Variants in HMMR observed in about 807,000 individuals in gnomAD.
HMMR encodes intracellular hyaluronic acid-binding protein.
A neutral mutation model predicts 101.0 loss-of-function variants in HMMR; 108 were observed. That is an observed-to-expected ratio of 1.07 (90% CI 0.92 to 1.25). The LOEUF (loss-of-function observed/expected upper bound fraction) is 1.25, where lower values mean the gene tolerates loss of function less well. HMMR is among the 50% of genes most tolerant of loss of function. The probability of loss-of-function intolerance (pLI) is 0.00; values close to 1 mark genes in which losing one functional copy is unlikely to be tolerated. For missense variants in HMMR, 813 were observed against 788.7 expected, an observed-to-expected ratio of 1.03 and a Z score of -0.37; for synonymous variants, 296 against 276.4, an observed-to-expected ratio of 1.07 and a Z score of -0.70.
At chr5:163,475,365 T>A (rs1287040531) in intron 10 of HMMR, 93 bp from the exon 11 acceptor site, 3 of 627,692 alleles carry the variant, frequency 4.8e-6, no homozygotes, top group Non-Finnish European at 8.3e-6. Context: ...GAATTTAGGT[T>A]TCATCCTTCT....
intron 3 of HMMR, among the ~76,000 whole-genome samples, chr5:163,466,563 A>G (rs1329958932): frequency 6.6e-6 from 1 of 152,188 alleles, no homozygotes; most frequent in Non-Finnish European, 1.5e-5. Flanking sequence ...TATTTTTGGA[A>G]CAACTTGAGT....
intron 10 of HMMR, chr5:163,474,589 A>G (rs1330749405): frequency 4.4e-6 from 2 of 455,856 alleles, no homozygotes; most frequent in Non-Finnish European, 4.4e-6. Context: ...ATCAGTGAGA[A>G]GAAAGAAAGT....
At chr5:163,468,971 G>A (rs926320612) in intron 4 of HMMR, among the ~76,000 whole-genome samples, 3 of 151,900 alleles carry the variant, frequency 2.0e-5, no homozygotes, top group Admixed American at 6.6e-5. Context: ...GCCCAGCTCT[G>A]CCTTCTTGAA....
chr5:163,490,428 A>G lies in HMMR; in HGVS notation c.2001A>G (p.Lys667=), dbSNP rs775777768. The change falls in exon 17 of 18, where the codon AAA becomes AAG. Residue 667 remains lysine (K), a synonymous_variant. Transcript: ENST00000393915. ...SKLRCQLAKK[K]QSETKLQEEL... ...TCCGCTGTCAGCTTGCTAAAAAAAA[A>G]CAAAGTGAGACAAAACTTCAAGAGG... 6.3e-7 allele frequency: 1 copy of G among 1,594,494 alleles called. No homozygotes were observed. Among genetic ancestry groups the G allele is most frequent in the Non-Finnish European group, 8.5e-7 (1 of 1,172,812 alleles).
intron 10 of HMMR, among the ~76,000 whole-genome samples, chr5:163,475,068 A>G (rs1347847238): frequency 6.6e-6 from 1 of 152,104 alleles, no homozygotes; most frequent in African/African-American, 2.4e-5. Context: ...TTATTTCACA[A>G]TGGTGATGTA....
intron 7 of HMMR, 39 bp downstream of exon 7, chr5:163,471,502 G>A: frequency 7.4e-7 from 1 of 1,357,216 alleles, no homozygotes; most frequent in Non-Finnish European, 1.0e-6. Flanking sequence ...TTAAGTGGAA[G>A]CAATTCTTGA....
intron 9 of HMMR, 29 bp downstream of exon 9, chr5:163,473,586 T>C: frequency 7.1e-7 from 1 of 1,412,786 alleles, no homozygotes; most frequent in Non-Finnish European, 9.7e-7. Context: ...GTTACTTTGT[T>C]TAGATAAGTG....
intron 17 of HMMR, 117 bp downstream of exon 17, chr5:163,490,669 C>CCTTTGAAGGATCAA: frequency 1.3e-6 from 1 of 751,136 alleles, no homozygotes. Context: ...CTGATAAAAG[C>CCTTTGAAGGATCAA]AGTTCTTACT....
intron 1 of HMMR, among the ~76,000 whole-genome samples, chr5:163,461,280 C>T (rs1404900010): frequency 6.6e-6 from 1 of 152,164 alleles, no homozygotes; most frequent in Non-Finnish European, 1.5e-5. Context: ...TAAGGCTTTA[C>T]ATCGATTATT....
At chr5:163,468,927 T>C (rs1758781565) in intron 4 of HMMR, among the ~76,000 whole-genome samples, 1 of 152,196 alleles carries the variant, frequency 6.6e-6, no homozygotes, top group Admixed American at 6.5e-5. Flanking sequence ...GCAAGAATGA[T>C]GGCTTGCCAA....
chr5:163,468,145 G>A (rs1313392157), intron 4 of HMMR, among the ~76,000 whole-genome samples: 2 of 152,244 alleles, frequency 1.3e-5, no homozygotes, highest in Non-Finnish European at 2.9e-5. Flanking sequence ...GTTAGACTGT[G>A]ATGAAGTTAG....
intron 5 of HMMR, among the ~76,000 whole-genome samples, chr5:163,470,915 G>A (rs537339431): frequency 5.3e-5 from 8 of 152,204 alleles, no homozygotes; most frequent in Non-Finnish European, 1.0e-4. Flanking sequence ...GATTGATTGA[G>A]CCCAGGAGTT....
chr5:163,461,377 C>A (rs1758527023), intron 1 of HMMR, among the ~76,000 whole-genome samples: 1 of 152,160 alleles, frequency 6.6e-6, no homozygotes, highest in Non-Finnish European at 1.5e-5. Flanking sequence ...TTGCTCAGTG[C>A]TACATTACCA....
chr5:163,462,930 T>G (rs1285535311), intron 1 of HMMR, among the ~76,000 whole-genome samples: 1 of 151,992 alleles, frequency 6.6e-6, no homozygotes. Context: ...AGCTCCTTGC[T>G]CTTCCTATTT....
At chr5:163,470,203 C>T (rs1422307290) in intron 5 of HMMR, among the ~76,000 whole-genome samples, 1 of 152,056 alleles carries the variant, frequency 6.6e-6, no homozygotes, top group Non-Finnish European at 1.5e-5. Flanking sequence ...ATACACCAGG[C>T]GATTCAGATT....
chr5:163,468,833 T>A (rs991575292), intron 4 of HMMR, among the ~76,000 whole-genome samples: 2 of 152,140 alleles, frequency 1.3e-5, no homozygotes, highest in African/African-American at 4.8e-5. Context: ...ATCATTTCAT[T>A]GTCTTTTGGC....
intron 10 of HMMR, chr5:163,474,658 A>G: frequency 2.3e-6 from 1 of 441,928 alleles, no homozygotes; most frequent in Non-Finnish European, 4.5e-6. Context: ...TGGCCTGTAA[A>G]TATAGAAAGA....
At chr5:163,472,271 C>T (rs1452115488) in intron 7 of HMMR, among the ~76,000 whole-genome samples, 2 of 152,188 alleles carry the variant, frequency 1.3e-5, no homozygotes, top group Admixed American at 1.3e-4. Context: ...TTCATCCAAA[C>T]CGTTCTGTAT....
At chr5:163,482,564 A>C in intron 12 of HMMR, 78 bp from the exon 13 acceptor site, 1 of 1,026,772 alleles carries the variant, frequency 9.7e-7, no homozygotes, top group Non-Finnish European at 1.5e-6. Context: ...AGAAGTATAT[A>C]AAGTGTAAAC....
Sources: allele counts gnomAD v4.1 joint callset (sites outside exome capture counted in the v4.1 genomes callset), GRCh38; gene constraint gnomAD v4.1.1; transcripts MANE v1.5; gene names NCBI Gene and HGNC (gene_info 2026-07-23, HGNC 2026-07-21).